Variants in ASTN2 observed in about 807,000 individuals in gnomAD.
ASTN2 encodes astrotactin 2, also known as astrotactin-2.
Under a neutral mutation model 139.8 loss-of-function variants are expected in ASTN2, and 54 were observed. The observed-to-expected ratio is 0.39, with a 90% CI of 0.31 to 0.48. ASTN2 has a LOEUF of 0.48. Ranked by LOEUF, ASTN2 falls within the 20% of genes least tolerant of loss-of-function variation. ASTN2 has a pLI of 0.95. For missense variants in ASTN2, 1,565 were observed against 1,725.1 expected (o/e 0.91, Z 1.64); for synonymous variants, 756 against 719.5 (o/e 1.05, Z -0.81).
At chr9:117,166,246 C>G (rs1031083247) in intron 3 of ASTN2, among the ~76,000 whole-genome samples, 1 of 151,994 alleles carries the variant, frequency 6.6e-6, no homozygotes, top group Admixed American at 6.6e-5. Flanking sequence ...AACAAATATG[C>G]AGGTATGGAG....
intron 5 of ASTN2, among the ~76,000 whole-genome samples, chr9:117,076,942 A>C (rs1828296772): frequency 6.6e-6 from 1 of 151,286 alleles, no homozygotes; most frequent in African/African-American, 2.4e-5. Context: ...TTGAGAGTGA[A>C]AAATTATCTC....
chr9:117,393,325 C>CAG (rs1397821411), intron 1 of ASTN2, among the ~76,000 whole-genome samples: 1 of 151,856 alleles, frequency 6.6e-6, no homozygotes, highest in Non-Finnish European at 1.5e-5. Context: ...TTGTTGGGGA[C>CAG]AGAGAGACAG....
At chr9:117,398,684 C>T (rs954955447) in intron 1 of ASTN2, among the ~76,000 whole-genome samples, 1 of 152,206 alleles carries the variant, frequency 6.6e-6, no homozygotes, top group Non-Finnish European at 1.5e-5. Context: ...TTTGTCATGG[C>T]CACCTTTGAG....
intron 5 of ASTN2, among the ~76,000 whole-genome samples, chr9:117,047,495 G>A (rs192678713): frequency 3.3e-5 from 5 of 151,972 alleles, no homozygotes; most frequent in African/African-American, 1.2e-4. Context: ...TAAGATCTAG[G>A]CAAGTGTTCA....
chr9:117,106,770 AT>A (rs374449116), intron 4 of ASTN2, among the ~76,000 whole-genome samples: 2,000 of 152,032 alleles, frequency 0.013, 48 homozygotes, highest in African/African-American at 0.046. Flanking sequence ...TTTGTAAAAA[AT>A]ATCTATCTAT....
intron 4 of ASTN2, among the ~76,000 whole-genome samples, chr9:117,126,412 C>T (rs1449154646): frequency 6.6e-6 from 1 of 152,156 alleles, no homozygotes; most frequent in East Asian, 1.9e-4. Flanking sequence ...TCTGAACATC[C>T]ATTTCTTTTA....
At chr9:117,207,438 C>A (rs1432271218) in intron 3 of ASTN2, among the ~76,000 whole-genome samples, 1 of 152,124 alleles carries the variant, frequency 6.6e-6, no homozygotes, top group Non-Finnish European at 1.5e-5. Flanking sequence ...TGGGTTGTCC[C>A]CCTCAGACAC....
intron 16 of ASTN2, among the ~76,000 whole-genome samples, chr9:116,718,608 T>A (rs934769649): frequency 2.0e-5 from 3 of 152,156 alleles, no homozygotes; most frequent in African/African-American, 7.2e-5. Flanking sequence ...AAGCAGATTG[T>A]CCTCCTTAAT....
intron 3 of ASTN2, among the ~76,000 whole-genome samples, chr9:117,170,271 A>C (rs1252765598): frequency 6.6e-6 from 1 of 151,974 alleles, no homozygotes; most frequent in Non-Finnish European, 1.5e-5. Flanking sequence ...TCCAAATACA[A>C]TGTGCTTGTA....
intron 6 of ASTN2, among the ~76,000 whole-genome samples, chr9:117,022,398 T>C (rs987855875): frequency 6.6e-6 from 1 of 150,916 alleles, no homozygotes; most frequent in Non-Finnish European, 1.5e-5. Flanking sequence ...GATGAAACAA[T>C]TAAAGATCAC....
intron 5 of ASTN2, among the ~76,000 whole-genome samples, chr9:117,053,013 C>T (rs1242519212): frequency 6.6e-6 from 1 of 152,124 alleles, no homozygotes. Context: ...AGAGAGGCCT[C>T]TTGATAGGGT....
At chr9:117,406,703 CT>C (rs1460108619) in intron 1 of ASTN2, among the ~76,000 whole-genome samples, 1 of 152,098 alleles carries the variant, frequency 6.6e-6, no homozygotes, top group Admixed American at 6.6e-5. Flanking sequence ...ATAAGCTCTT[CT>C]CATTCTATCC....
chr9:117,135,177 A>C (rs1445321285), intron 4 of ASTN2, among the ~76,000 whole-genome samples: 1 of 152,218 alleles, frequency 6.6e-6, no homozygotes, highest in African/African-American at 2.4e-5. Context: ...CTAAGAGTAG[A>C]GCTCAAGTCA....
intron 4 of ASTN2, among the ~76,000 whole-genome samples, chr9:117,111,436 T>A (rs79727889): frequency 8.7e-5 from 13 of 149,376 alleles, no homozygotes; most frequent in Admixed American, 6.7e-5. Flanking sequence ...ATGTATAAAA[T>A]AAAAAAAAAA....
intron 7 of ASTN2, among the ~76,000 whole-genome samples, chr9:116,999,187 C>T (rs543700706): frequency 1.3e-5 from 2 of 152,240 alleles, no homozygotes; most frequent in Admixed American, 6.5e-5. Context: ...TACTTACATG[C>T]TAAGTTATTA....
intron 2 of ASTN2, among the ~76,000 whole-genome samples, chr9:117,287,094 T>C (rs1834468652): frequency 6.6e-6 from 1 of 152,262 alleles, no homozygotes; most frequent in African/African-American, 2.4e-5. Context: ...GATGAAATAA[T>C]AGAGGTGCTG....
chr9:117,402,041 A>G (rs981541574), intron 1 of ASTN2, among the ~76,000 whole-genome samples: 13 of 152,304 alleles, frequency 8.5e-5, no homozygotes, highest in Admixed American at 7.8e-4. Context: ...AGTGGAAACT[A>G]TGAAAAGTTA....
At chr9:116,486,863 T>A (rs1234568820) in intron 20 of ASTN2, among the ~76,000 whole-genome samples, 1 of 152,210 alleles carries the variant, frequency 6.6e-6, no homozygotes, top group African/African-American at 2.4e-5. Context: ...GCACTATTTT[T>A]AAAAGGCTGG....
intron 6 of ASTN2, among the ~76,000 whole-genome samples, chr9:117,037,788 T>C (rs1158745077): frequency 1.3e-5 from 2 of 152,210 alleles, no homozygotes; most frequent in African/African-American, 4.8e-5. Flanking sequence ...TCAGTGTTCA[T>C]CACTCCTACT....
Sources: allele counts gnomAD v4.1 joint callset (sites outside exome capture counted in the v4.1 genomes callset), GRCh38; gene constraint gnomAD v4.1.1; transcripts MANE v1.5; gene names NCBI Gene and HGNC (gene_info 2026-07-23, HGNC 2026-07-21).